Variants in HOXA3 observed in about 807,000 individuals in gnomAD.
The protein encoded by HOXA3 is homeobox protein Hox-A3.
Under a neutral mutation model 30.3 loss-of-function variants are expected in HOXA3, and 8 were observed. That is an observed-to-expected ratio of 0.26 (90% CI 0.15 to 0.48). The LOEUF is 0.48. Among genes scored for constraint, HOXA3 ranks in the 20% least tolerant of loss-of-function variants. The pLI, the probability that HOXA3 is intolerant of heterozygous loss-of-function variation, is 0.99. For synonymous variants in HOXA3, 323 were observed against 273.1 expected (o/e 1.18, Z -1.80); for missense variants, 653 against 614.4 (o/e 1.06, Z -0.66).
At position 27,151,621 on chromosome 7, in the gene HOXA3, C is replaced by G. The variant is rs1232939862; in HGVS notation, c.-494+667G>C. 4 of 456,630 alleles carry G rather than the reference C, an allele frequency of 8.8e-6. No homozygotes were observed. In the Admixed American group the frequency reaches 9.4e-5, roughly 11 times the overall value. The allele number at this position is 456,630 out of a possible 1,614,324, so 28.3% of individuals were successfully genotyped here. ...CCCCCTCCCAGCGCTTCAGACACCT[C>G]TCTCATCGAAAAACCGGGCGAAGGG... On this transcript the variant is annotated intron_variant, in intron 1 of 5. Transcript: ENST00000612286.
intron 2 of HOXA3, among the ~76,000 whole-genome samples, chr7:27,139,561 C>A (rs1386556281): frequency 1.1e-4 from 17 of 152,150 alleles, no homozygotes; most frequent in Admixed American, 1.1e-3. Context: ...ATTGCCACAG[C>A]CCCGTAAGGA....
At chr7:27,141,666 TACA>T (rs1224886211) in intron 1 of HOXA3, 9 of 752,926 alleles carry the variant, frequency 1.2e-5, no homozygotes, top group Non-Finnish European at 1.7e-5. Context: ...GATCTACTTA[TACA>T]GGCGCTATAA....
intron 1 of HOXA3, among the ~76,000 whole-genome samples, chr7:27,145,244 C>A (rs1466670203): frequency 6.6e-6 from 1 of 152,154 alleles, no homozygotes; most frequent in African/African-American, 2.4e-5. Context: ...CGCCCAGACA[C>A]GAAACGGGGC....
chr7:27,138,674 G>C (rs1347254244), intron 2 of HOXA3, among the ~76,000 whole-genome samples: 1 of 152,184 alleles, frequency 6.6e-6, no homozygotes, highest in African/African-American at 2.4e-5. Context: ...GGGGGTTGGG[G>C]CCAGAAGGGG....
In HOXA3 at chr7:27,125,805, T is replaced by C. The variant is rs1031518626; in HGVS notation, c.-205+1081A>G. ...TCTTCTCTTTCATTCTAAAGAGTCATTGATCTGTTTCTATGTGGGAACTGC... is the reference window on the plus strand; with the variant it reads ...TCTTCTCTTTCATTCTAAAGAGTCACTGATCTGTTTCTATGTGGGAACTGC... On this transcript the variant is annotated intron_variant, in intron 3 of 5. Transcript: ENST00000612286. Among the ~76,000 whole-genome samples the C allele has an allele frequency of 2.0e-5, 3 of 152,346 alleles. No individual in the cohort carries two copies. The East Asian group carries it at 5.8e-4, about 29-fold the overall frequency.
Position 27,108,960 on chromosome 7 carries a change from C to A in HOXA3, c.527-240G>T, listed in dbSNP as rs1784204305. 6.6e-6 allele frequency among the ~76,000 whole-genome samples: 1 copy of A among 152,148 alleles called. No homozygotes were observed. The highest frequency in any genetic ancestry group is 2.4e-5 in the African/African-American group (1 of 41,442). On this transcript the variant is annotated intron_variant, in intron 5 of 5. Coordinates refer to ENST00000612286, the MANE Select transcript of HOXA3 (RefSeq NM_153631.3). The surrounding 1 kb of genome is among the most constrained non-coding windows in gnomAD (Gnocchi z 5.0). ...GGGAAAGGACAGAGAAGTAGAACCC[C>A]CGGTTTGCCTTCCTGGTCTGGATTT...
At chr7:27,129,845 G>C (rs911890201) in intron 2 of HOXA3, 1 of 607,456 alleles carries the variant, frequency 1.6e-6, no homozygotes, top group Admixed American at 3.0e-5. Flanking sequence ...CCTCTGCCAG[G>C]GCAATTAAAT....
At chr7:27,151,980 G>C (rs1217873984) in intron 1 of HOXA3, among the ~76,000 whole-genome samples, 1 of 152,172 alleles carries the variant, frequency 6.6e-6, no homozygotes, top group African/African-American at 2.4e-5. Flanking sequence ...GACGACCCAA[G>C]GGATGCTGCC....
intron 3 of HOXA3, chr7:27,123,929 C>A (rs1430513631): frequency 1.3e-5 from 2 of 152,242 alleles, no homozygotes; most frequent in African/African-American, 2.4e-5. Flanking sequence ...AAAGGGAGTG[C>A]CCCCTGGTCT....
intron 1 of HOXA3, chr7:27,151,106 TAACGTCCTA>T (rs1265797678): frequency 1.3e-5 from 2 of 153,400 alleles, no homozygotes; most frequent in Non-Finnish European, 2.9e-5. Context: ...GAGCACGGGC[TAACGTCCTA>T]AACATCCACA....
chr7:27,132,423 T>C lies in HOXA3; in HGVS notation c.-389-5353A>G, dbSNP rs1371030202. The stretch of plus-strand genomic sequence containing the variant: ...CATTTGATGGATAGTCACTTAATGC[T>C]TAGCCACATAAAGCCTATTATATGG... On this transcript the variant is annotated intron_variant, in intron 2 of 5. Coordinates refer to ENST00000612286, the MANE Select transcript of HOXA3 (RefSeq NM_153631.3). Among the ~76,000 whole-genome samples the C allele has an allele frequency of 2.0e-5, 3 of 152,254 alleles. No homozygotes were observed. The East Asian group carries it at 5.8e-4, about 29-fold the overall frequency.
At chr7:27,135,721 G>A (rs1307043513) in intron 2 of HOXA3, among the ~76,000 whole-genome samples, 1 of 152,092 alleles carries the variant, frequency 6.6e-6, no homozygotes, top group Non-Finnish European at 1.5e-5. Context: ...CCATTCTGTT[G>A]CCTTTGAAGG....
At chr7:27,139,145 G>A (rs938720988) in intron 2 of HOXA3, among the ~76,000 whole-genome samples, 2 of 152,208 alleles carry the variant, frequency 1.3e-5, no homozygotes, top group Non-Finnish European at 2.9e-5. Flanking sequence ...AGGCAAAGCG[G>A]AAGAAAAGAA....
intron 2 of HOXA3, among the ~76,000 whole-genome samples, chr7:27,127,863 C>T (rs1427429044): frequency 6.6e-6 from 1 of 152,150 alleles, no homozygotes; most frequent in Non-Finnish European, 1.5e-5. Context: ...TATGCTTTTT[C>T]CTCAGAAGAG....
intron 1 of HOXA3, chr7:27,143,066 C>A (rs1337575407): frequency 6.5e-7 from 1 of 1,532,430 alleles, no homozygotes; most frequent in African/African-American, 1.4e-5. Context: ...GTGCAGCTTG[C>A]GCATCCAGGG....
At position 27,108,345 on chromosome 7, in the gene HOXA3, G is replaced by A. The variant is rs200545147; in HGVS notation, c.902C>T (p.Pro301Leu). ...GGGGGGCAGCCCGTAGGTACCCTGGGGGGGCTTGGAGAAGGGCGGGGGCGA... is the reference window on the plus strand; with the variant it reads ...GGGGGGCAGCCCGTAGGTACCCTGGAGGGGCTTGGAGAAGGGCGGGGGCGA... ...PQSPPPFSKPPQGTYGLPPAS... is the reference protein window; with the variant it reads ...PQSPPPFSKPLQGTYGLPPAS... Residue 301 changes from proline to leucine, a missense_variant, in exon 6 of 6, where the codon CCC (proline) becomes CTC (leucine). By Grantham distance (98) the Pro-to-Leu change is moderately conservative. This residue lies in a region of HOXA3 where 330 missense variants were observed against 274.4 expected (regional missense o/e 1.20). Coordinates refer to ENST00000612286, the MANE Select transcript of HOXA3 (RefSeq NM_153631.3). The surrounding 1 kb of genome is among the most constrained non-coding windows in gnomAD (Gnocchi z 5.0). 213 of 1,518,512 alleles carry A rather than the reference G, an allele frequency of 1.4e-4. 2 individuals are homozygous for A. In the East Asian group the frequency reaches 4.7e-3, roughly 33 times the overall value. The allele number at this position is 1,518,512 out of a possible 1,614,324, so 94.1% of individuals were successfully genotyped here. A position where few individuals can be genotyped will look rare whatever the true frequency, so the allele number is the denominator to read the frequency against.
chr7:27,137,424 G>A (rs1583401765), intron 2 of HOXA3, among the ~76,000 whole-genome samples: 1 of 152,160 alleles, frequency 6.6e-6, no homozygotes, highest in South Asian at 2.1e-4. Context: ...CGCTGAGGAG[G>A]AGCACAGACA....
intron 2 of HOXA3, among the ~76,000 whole-genome samples, chr7:27,138,250 T>C (rs1261449870): frequency 6.6e-6 from 1 of 152,226 alleles, no homozygotes; most frequent in Non-Finnish European, 1.5e-5. Context: ...CTTGCCACTA[T>C]TCATGAGAAG....
intron 1 of HOXA3, chr7:27,141,799 C>T (rs1001305429): frequency 3.7e-6 from 6 of 1,606,808 alleles, no homozygotes; most frequent in Non-Finnish European, 4.2e-6. Flanking sequence ...ACGCGGGATC[C>T]GCTAATACTG....
Sources: allele counts gnomAD v4.1 joint callset (sites outside exome capture counted in the v4.1 genomes callset), GRCh38; gene constraint gnomAD v4.1.1; regional missense constraint gnomAD v4.1.1; non-coding constraint Gnocchi (gnomAD v3.1); transcripts MANE v1.5; gene names NCBI Gene and HGNC (gene_info 2026-07-23, HGNC 2026-07-21).